The following MYO3A variants were observed in gnomAD, a reference collection of about 807,000 sequenced individuals.
MYO3A encodes the protein myosin-IIIa.
Under a neutral mutation model 192.7 loss-of-function variants are expected in MYO3A, and 180 were observed. The ratio of observed to expected loss-of-function variants is 0.93; its 90% CI spans 0.83 to 1.06. MYO3A has a LOEUF of 1.06. Among genes scored for constraint, MYO3A ranks in the 50% least tolerant of loss-of-function variants. MYO3A has a pLI of 0.00. For synonymous variants in MYO3A, 628 were observed against 645.3 expected, an observed-to-expected ratio of 0.97 and a Z score of 0.41; for missense variants, 1,896 against 1,905.0, an observed-to-expected ratio of 1.00 and a Z score of 0.09.
intron 4 of MYO3A, among the ~76,000 whole-genome samples, chr10:25,995,908 C>A (rs919613941): frequency 6.6e-6 from 1 of 152,212 alleles, no homozygotes; most frequent in Non-Finnish European, 1.5e-5. Context: ...TGTCAGTCTG[C>A]CCCTACTGGG....
Position 26,066,266 on chromosome 10 carries a change from A to G in MYO3A, c.954-709A>G, listed in dbSNP as rs76903673. Among the ~76,000 whole-genome samples, 1,214 of 152,290 alleles carry G rather than the reference A, an allele frequency of 8.0e-3. 11 individuals carry two copies. Among genetic ancestry groups the G allele is most frequent in the Non-Finnish European group, 0.011 (744 of 68,026 alleles). ...ATTCTTAATAACCCTCATAATCTAT[A>G]TATTCCTTCCCCTTTTACCAAGGGG... On this transcript the variant is annotated intron_variant, in intron 10 of 34. Transcript: ENST00000642920.
At chr10:26,192,722 T>C (rs11014991) in intron 31 of MYO3A, among the ~76,000 whole-genome samples, 124,282 of 149,500 alleles carry the variant, frequency 0.83, 51,960 homozygotes, top group East Asian at 0.92. Context: ...GGCACGGTCT[T>C]TACTCATTGC....
At chr10:26,166,449 G>C (rs1841756837) in intron 27 of MYO3A, among the ~76,000 whole-genome samples, 1 of 152,132 alleles carries the variant, frequency 6.6e-6, no homozygotes, top group Non-Finnish European at 1.5e-5. Context: ...GGCCGAGGTG[G>C]GAGAATGGCT....
intron 4 of MYO3A, among the ~76,000 whole-genome samples, chr10:25,966,471 A>G (rs1376502230): frequency 2.6e-5 from 4 of 152,226 alleles, no homozygotes; most frequent in Non-Finnish European, 5.9e-5. Flanking sequence ...GAAGAATATA[A>G]AAGGGGACAT....
intron 17 of MYO3A, among the ~76,000 whole-genome samples, chr10:26,111,150 G>C (rs187270559): frequency 7.9e-5 from 12 of 152,258 alleles, no homozygotes; most frequent in Admixed American, 7.8e-4. Context: ...TTACAGGCAT[G>C]AGGTGCTGTG....
chr10:26,058,236 A>G (rs566965357), intron 10 of MYO3A, among the ~76,000 whole-genome samples: 1 of 152,242 alleles, frequency 6.6e-6, no homozygotes, highest in South Asian at 2.1e-4. Flanking sequence ...TTGGACTCAT[A>G]TATGTAGTTT....
chr10:25,951,881 A>C (rs574492144), intron 2 of MYO3A, among the ~76,000 whole-genome samples: 2 of 152,338 alleles, frequency 1.3e-5, no homozygotes, highest in African/African-American at 4.8e-5. Flanking sequence ...GGACATAGAA[A>C]TAAAGCCCTG....
rs944984764 is a variant in MYO3A, at chr10:26,021,735, G to A, written c.731+87G>A. The A allele has an allele frequency of 7.2e-6, 11 of 1,535,034 alleles. No individual in the cohort carries two copies. The African/African-American group carries it at 9.6e-5, about 13-fold the overall frequency. On this transcript the variant is annotated intron_variant, in intron 8 of 34. Transcript: ENST00000642920. Reference sequence around the variant, plus strand: ...TGTTCATCATGCTCTTCATGGAGACGTTCAGATATATTCCAACAAGTTGGG... The same window carrying A: ...TGTTCATCATGCTCTTCATGGAGACATTCAGATATATTCCAACAAGTTGGG...
At chr10:26,154,888 C>A in intron 25 of MYO3A, 65 bp downstream of exon 25, 1 of 1,326,660 alleles carries the variant, frequency 7.5e-7, no homozygotes, top group South Asian at 1.2e-5. Flanking sequence ...AGTTACAGAT[C>A]AAAAGCCAGT....
chr10:26,210,311 CT>C (rs1359643777), intron 34 of MYO3A, among the ~76,000 whole-genome samples: 1 of 152,226 alleles, frequency 6.6e-6, no homozygotes, highest in Non-Finnish European at 1.5e-5. Context: ...GTTTATCCCA[CT>C]GCAAAAATTA....
chr10:25,989,275 T>TAA lies in MYO3A; in HGVS notation c.304-7213_304-7212dup, dbSNP rs1554795953. ...TAGTTTTTTGGCTTTTTTTTTTTTT[T>TAA]AAAGCAGCTTGCAATTTAAAAGATA... On this transcript the variant is annotated intron_variant, in intron 4 of 34. Coordinates refer to ENST00000642920, the MANE Select transcript of MYO3A (RefSeq NM_017433.5). 2.6e-3 allele frequency among the ~76,000 whole-genome samples: 391 copies of TAA among 150,798 alleles called. 2 individuals are homozygous for TAA. The highest frequency in any genetic ancestry group is 9.3e-3 in the African/African-American group (378 of 40,840).
intron 17 of MYO3A, among the ~76,000 whole-genome samples, chr10:26,098,534 T>TA (rs1333101971): frequency 4.6e-5 from 7 of 152,262 alleles, no homozygotes; most frequent in African/African-American, 1.7e-4. Context: ...CAAGAGTTTT[T>TA]ATGGGTTTAG....
intron 14 of MYO3A, among the ~76,000 whole-genome samples, chr10:26,078,247 G>A (rs1835722698): frequency 6.6e-6 from 1 of 151,516 alleles, no homozygotes; most frequent in Non-Finnish European, 1.5e-5. Flanking sequence ...ATTTTTCCAG[G>A]AATTTATTCA....
At chr10:26,067,105 A>G (rs1157777735) in intron 11 of MYO3A, 31 bp downstream of exon 11, 2 of 1,420,162 alleles carry the variant, frequency 1.4e-6, no homozygotes, top group African/African-American at 2.8e-5. Context: ...AAACTTAGAC[A>G]TTCCAGATGT....
chr10:26,178,499 G>A (rs1288335786), intron 31 of MYO3A, among the ~76,000 whole-genome samples: 1 of 151,242 alleles, frequency 6.6e-6, no homozygotes, highest in Non-Finnish European at 1.5e-5. Flanking sequence ...GTTGCAGTGA[G>A]CCGAAATCGT....
chr10:26,167,612 TAGAA>T (rs1841827134), intron 27 of MYO3A, among the ~76,000 whole-genome samples: 3 of 152,200 alleles, frequency 2.0e-5, no homozygotes, highest in Non-Finnish European at 4.4e-5. Context: ...TTAACATGGA[TAGAA>T]AGTATTAATA....
chr10:25,976,759 G>A (rs1429999534), intron 4 of MYO3A, among the ~76,000 whole-genome samples: 1 of 151,932 alleles, frequency 6.6e-6, no homozygotes, highest in African/African-American at 2.4e-5. Flanking sequence ...GCATTGTGTT[G>A]CAAAACTATA....
chr10:26,164,361 C>T (rs1315897547), intron 26 of MYO3A, among the ~76,000 whole-genome samples: 1 of 138,062 alleles, frequency 7.2e-6, no homozygotes, highest in African/African-American at 2.7e-5. Flanking sequence ...CTCTAGAACA[C>T]AGGCGGAGGA....
chr10:26,081,183 G>A (rs1247813603), intron 14 of MYO3A, among the ~76,000 whole-genome samples: 1 of 146,116 alleles, frequency 6.8e-6, no homozygotes, highest in East Asian at 2.0e-4. Context: ...GGACCGTCAG[G>A]CGGGGGCAGG....
Sources: allele counts gnomAD v4.1 joint callset (sites outside exome capture counted in the v4.1 genomes callset), GRCh38; gene constraint gnomAD v4.1.1; transcripts MANE v1.5; gene names NCBI Gene and HGNC (gene_info 2026-07-23, HGNC 2026-07-21).